Variants in TUSC3 observed in about 807,000 individuals in gnomAD.
The protein encoded by TUSC3 is tumor suppressor candidate 3, also known as dolichyl-diphosphooligosaccharide--protein glycosyltransferase subunit TUSC3.
TUSC3 carries 45 observed loss-of-function variants against 44.8 expected under a neutral mutation model. The ratio of observed to expected loss-of-function variants is 1.00; its 90% CI spans 0.79 to 1.29. The LOEUF is 1.29. Ranked by LOEUF, TUSC3 falls within the 50% of genes most tolerant of loss-of-function variation. The pLI is 0.00. For synonymous variants in TUSC3, 212 were observed against 152.9 expected, an observed-to-expected ratio of 1.39 and a Z score of -2.85; for missense variants, 519 against 437.9, an observed-to-expected ratio of 1.19 and a Z score of -1.65.
chr8:15,437,602 C>G (rs186248721), intron 1 of TUSC3, among the ~76,000 whole-genome samples: 4 of 152,184 alleles, frequency 2.6e-5, no homozygotes, highest in Non-Finnish European at 5.9e-5. Context: ...AGACAATCAT[C>G]TCCTATTAAG....
At chr8:15,754,942 A>AT (rs35800966) in intron 9 of TUSC3, among the ~76,000 whole-genome samples, 1 of 151,966 alleles carries the variant, frequency 6.6e-6, no homozygotes, top group South Asian at 2.1e-4. Flanking sequence ...CCTTCATCAT[A>AT]TTTTTTCAGT....
chr8:15,540,847 C>G (rs1022403610), intron 1 of TUSC3, among the ~76,000 whole-genome samples: 2 of 152,164 alleles, frequency 1.3e-5, no homozygotes, highest in African/African-American at 4.8e-5. Flanking sequence ...AGCTGGAAGC[C>G]CAGCTTAGAG....
intron 2 of TUSC3, among the ~76,000 whole-genome samples, chr8:15,520,708 A>G (rs539421995): frequency 1.3e-5 from 2 of 152,292 alleles, no homozygotes; most frequent in South Asian, 4.1e-4. Flanking sequence ...CTCTCTACCT[A>G]TGCAATTCCG....
At chr8:15,488,462 A>G (rs1012257207) in intron 2 of TUSC3, among the ~76,000 whole-genome samples, 5 of 152,154 alleles carry the variant, frequency 3.3e-5, no homozygotes, top group African/African-American at 1.2e-4. Context: ...TCATTGCACC[A>G]CTGCACTCCA....
the TUSC3 span, among the ~76,000 whole-genome samples, chr8:15,834,923 G>T: frequency 2.0e-5 from 3 of 152,142 alleles, no homozygotes; most frequent in Non-Finnish European, 4.4e-5. Flanking sequence ...ATGTGCACAG[G>T]TTCCCCAGGA....
At chr8:15,698,038 A>G (rs1312343326) in intron 6 of TUSC3, among the ~76,000 whole-genome samples, 2 of 152,166 alleles carry the variant, frequency 1.3e-5, no homozygotes, top group East Asian at 1.9e-4. Context: ...TACACCATAC[A>G]AATTTAAAAA....
chr8:15,754,916 C>T (rs969332559), intron 9 of TUSC3, among the ~76,000 whole-genome samples: 4 of 151,938 alleles, frequency 2.6e-5, no homozygotes, highest in Non-Finnish European at 5.9e-5. Flanking sequence ...CCTTACAAAA[C>T]CTTAAACATC....
In TUSC3 at chr8:15,744,937, C is replaced by A. The variant is rs184888272; in HGVS notation, c.937+1325C>A. Among the ~76,000 whole-genome samples, 411 of 152,092 alleles carry A rather than the reference C, an allele frequency of 2.7e-3. 1 individual carries two copies. The highest frequency in any genetic ancestry group is 8.7e-3 in the African/African-American group (362 of 41,526). ...AGTACCAAACAGGTGATTTTTCAAC[C>A]TACACGCTCCTCACTCCATCCCCAC... is the stretch of plus-strand genomic sequence containing the variant. On this transcript the variant is annotated intron_variant, in intron 8 of 10. Transcript: ENST00000503731.
intron 2 of TUSC3, among the ~76,000 whole-genome samples, chr8:15,637,701 A>T (rs1806154149): frequency 6.6e-6 from 1 of 151,896 alleles, no homozygotes; most frequent in East Asian, 1.9e-4. Context: ...ACCATAGTTT[A>T]TATGTGGGGT....
At chr8:15,676,600 C>T (rs996367982) in intron 6 of TUSC3, among the ~76,000 whole-genome samples, 19 of 152,066 alleles carry the variant, frequency 1.2e-4, no homozygotes, top group Admixed American at 4.6e-4. Flanking sequence ...CATTTTCCAG[C>T]GGACATTTGG....
In TUSC3 at chr8:15,584,054, T is replaced by TTTG. The variant is rs1267154654; in HGVS notation, c.139-39026_139-39025insTTG. Among the ~76,000 whole-genome samples, 516 of 152,354 alleles carry TTTG rather than the reference T, an allele frequency of 3.4e-3. 4 individuals are homozygous for TTTG. Among genetic ancestry groups the TTTG allele is most frequent in the African/African-American group, 0.012 (495 of 41,586 alleles). On this transcript the variant is annotated intron_variant, in intron 1 of 10. Coordinates refer to ENST00000503731, the MANE Select transcript of TUSC3 (RefSeq NM_006765.4). ...TTTAAACAGGTACTTAAAGGCAGTG[T>TTTG]AATCAAACACAGCAGCTTAACTGTT...
intron 6 of TUSC3, among the ~76,000 whole-genome samples, chr8:15,677,061 G>A (rs1381037393): frequency 6.6e-6 from 1 of 152,028 alleles, no homozygotes; most frequent in Non-Finnish European, 1.5e-5. Context: ...GTCTCACTCT[G>A]TCACCTTGGT....
At chr8:15,704,036 GA>G (rs898524214) in intron 6 of TUSC3, among the ~76,000 whole-genome samples, 7 of 152,108 alleles carry the variant, frequency 4.6e-5, no homozygotes, top group African/African-American at 1.7e-4. Flanking sequence ...CACAGACAGT[GA>G]AAAAGCAAAT....
chr8:15,615,381 C>G (rs1235988476), intron 1 of TUSC3, among the ~76,000 whole-genome samples: 2 of 152,144 alleles, frequency 1.3e-5, no homozygotes, highest in African/African-American at 4.8e-5. Flanking sequence ...ATCACATGTT[C>G]TCACTCATAT....
intron 2 of TUSC3, among the ~76,000 whole-genome samples, chr8:15,629,945 C>T (rs986257316): frequency 3.9e-5 from 6 of 152,000 alleles, no homozygotes; most frequent in Admixed American, 2.6e-4. Context: ...TCAAACTCCT[C>T]GGCCAAATAA....
At chr8:15,574,712 T>G (rs1385029379) in intron 1 of TUSC3, among the ~76,000 whole-genome samples, 1 of 152,154 alleles carries the variant, frequency 6.6e-6, no homozygotes, top group African/African-American at 2.4e-5. Flanking sequence ...CATTTTTTCA[T>G]TTTCTTTTGA....
chr8:15,516,010 C>A (rs1801212028), intron 2 of TUSC3, among the ~76,000 whole-genome samples: 1 of 152,098 alleles, frequency 6.6e-6, no homozygotes, highest in Non-Finnish European at 1.5e-5. Context: ...ATGTCCTTAG[C>A]ATTTTCTCAG....
intron 2 of TUSC3, among the ~76,000 whole-genome samples, chr8:15,496,513 G>A (rs1196071506): frequency 6.6e-6 from 1 of 152,148 alleles, no homozygotes; most frequent in African/African-American, 2.4e-5. Flanking sequence ...CTTGTATGCT[G>A]TCCTAGCTTC....
At chr8:15,692,756 C>G (rs1808975064) in intron 6 of TUSC3, among the ~76,000 whole-genome samples, 1 of 150,996 alleles carries the variant, frequency 6.6e-6, no homozygotes, top group Admixed American at 6.6e-5. Context: ...TTTTAGTAGT[C>G]TAGCTAGTGG....
Sources: allele counts gnomAD v4.1 joint callset (sites outside exome capture counted in the v4.1 genomes callset), GRCh38; gene constraint gnomAD v4.1.1; transcripts MANE v1.5; gene names NCBI Gene and HGNC (gene_info 2026-07-23, HGNC 2026-07-21).